Variants in A2ML1 observed in about 807,000 individuals in gnomAD.
A2ML1 encodes the protein alpha-2-macroglobulin-like protein 1.
In A2ML1, 161 loss-of-function variants were observed where a neutral mutation model predicts 181.9. The ratio of observed to expected loss-of-function variants is 0.89; its 90% confidence interval spans 0.78 to 1.01. A2ML1 has a LOEUF of 1.01. Ranked by LOEUF, A2ML1 falls within the 50% of genes least tolerant of loss-of-function variation. The pLI is 0.00. For synonymous variants in A2ML1, 663 were observed against 666.8 expected (o/e 0.99, Z 0.09); for missense variants, 1,670 against 1,768.1 (o/e 0.94, Z 1.00).
intron 18 of A2ML1, 48 bp from the exon 19 acceptor site, chr12:8,851,736 C>A: frequency 1.3e-6 from 2 of 1,581,630 alleles, no homozygotes; most frequent in Non-Finnish European, 1.7e-6. Flanking sequence ...AAATGTTCTC[C>A]TTGCCCCACG....
intron 4 of A2ML1, 80 bp from the exon 5 acceptor site, chr12:8,834,582 T>C: frequency 6.5e-7 from 1 of 1,532,514 alleles, no homozygotes; most frequent in Non-Finnish European, 9.0e-7. Context: ...AAGAATTCTT[T>C]GTGAACTTTT....
Position 8,847,715 on chromosome 12 carries a change from T to C in A2ML1, c.1833+17T>C. 1 of 1,603,422 alleles carries C rather than the reference T, an allele frequency of 6.2e-7. No individual in the cohort carries two copies. Among genetic ancestry groups the C allele is most frequent in the Non-Finnish European group, 8.5e-7 (1 of 1,176,380 alleles). ...AACCGCTCTGTGAGTAACTGTCTGC[T>C]GACAGAGTGGGAGGAGGGAGTTGAT... On this transcript the variant is annotated intron_variant, in intron 15 of 35. Coordinates refer to ENST00000299698, the MANE Select transcript of A2ML1 (RefSeq NM_144670.6).
At chr12:8,831,629 CAG>C (rs1473671034) in intron 4 of A2ML1, among the ~76,000 whole-genome samples, 3 of 152,130 alleles carry the variant, frequency 2.0e-5, no homozygotes, top group Non-Finnish European at 4.4e-5. Context: ...TTTATCGAGA[CAG>C]GGGAATTGCA....
rs1389459708 is a variant in A2ML1 at position 8,848,930 on chromosome 12, C to T, written c.2028+16C>T. 9 of 1,601,598 alleles carry T rather than the reference C, an allele frequency of 5.6e-6. No homozygotes were observed. The highest frequency in any genetic ancestry group is 6.8e-6 in the Non-Finnish European group (8 of 1,174,912). On this transcript the variant is annotated intron_variant, in intron 16 of 35. Coordinates refer to ENST00000299698, the MANE Select transcript of A2ML1 (RefSeq NM_144670.6). ...CTTTTTCCGGGTAGGTCTTCTTACC[C>T]ATTTTGTTCTTATGGGAAAGATGGT...
At chr12:8,848,944 G>A (rs764663785) in intron 16 of A2ML1, 30 bp downstream of exon 16, 2 of 1,590,048 alleles carry the variant, frequency 1.3e-6, no homozygotes, top group Non-Finnish European at 1.7e-6. Context: ...TTGTTCTTAT[G>A]GGAAAGATGG....
intron 4 of A2ML1, chr12:8,830,682 C>T (rs771835631): frequency 1.3e-5 from 2 of 152,320 alleles, no homozygotes; most frequent in South Asian, 4.1e-4. Context: ...CCCCTGCTTT[C>T]TTCCTCTTCC....
At chr12:8,822,773 C>A in intron 1 of A2ML1, 60 bp downstream of exon 1, 1 of 1,520,906 alleles carries the variant, frequency 6.6e-7, no homozygotes, top group Non-Finnish European at 9.1e-7. Flanking sequence ...CTAACTTTCT[C>A]AAACATTTAT....
Position 8,848,785 on chromosome 12 carries a change from T to G in A2ML1, c.1899T>G (p.Cys633Trp). 6.2e-7 allele frequency: 1 copy of G among 1,614,098 alleles called. No homozygotes were observed. The highest frequency in any genetic ancestry group is 8.5e-7 in the Non-Finnish European group (1 of 1,180,010). The change falls in exon 16 of 36, where the codon TGT (cysteine) becomes TGG (tryptophan). Residue 633 changes from cysteine to tryptophan, a missense_variant. Physicochemically the swap from Cys to Trp is radical, Grantham distance 215. Coordinates refer to ENST00000299698, the MANE Select transcript of A2ML1 (RefSeq NM_144670.6). ...YPYQVAEYDQ[C>W]PVSGPWDFPQ... ...ATCAAGTGGCTGAGTATGATCAGTG[T>G]CCAGTGTCTGGCCCATGGGACTTTC...
At chr12:8,856,638 G>A (rs11047622) in intron 23 of A2ML1, among the ~76,000 whole-genome samples, 1,621 of 152,218 alleles carry the variant, frequency 0.011, 28 homozygotes, top group African/African-American at 0.037. Context: ...GATCCTAAGT[G>A]TTATAAGTTT....
intron 32 of A2ML1, 79 bp downstream of exon 32, chr12:8,868,706 C>T: frequency 1.7e-6 from 2 of 1,158,462 alleles, no homozygotes; most frequent in Non-Finnish European, 2.5e-6. Flanking sequence ...GTAAAATGGG[C>T]ATCATGGCGT....
Position 8,829,797 on chromosome 12 carries a change from G to C in A2ML1, c.462+18G>C, listed in dbSNP as rs114265494. On this transcript the variant is annotated intron_variant, in intron 4 of 35. Coordinates refer to ENST00000299698, the MANE Select transcript of A2ML1 (RefSeq NM_144670.6). ...ATGACAAGGTGAGTTGGGAGGAGGAGAAGGAGTGGCGCAGGGAGAACAGGG... is the reference window on the plus strand; with the variant it reads ...ATGACAAGGTGAGTTGGGAGGAGGACAAGGAGTGGCGCAGGGAGAACAGGG... 6.2e-7 allele frequency: 1 copy of C among 1,613,922 alleles called. No homozygotes were observed. The highest frequency in any genetic ancestry group is 1.1e-5 in the South Asian group (1 of 91,050).
Position 8,835,517 on chromosome 12 carries a change from G to C in A2ML1, c.494G>C (p.Ser165Thr). 6.2e-7 allele frequency: 1 copy of C among 1,614,090 alleles called. No homozygotes were observed. Among genetic ancestry groups the C allele is most frequent in the Non-Finnish European group, 8.5e-7 (1 of 1,179,996 alleles). Residue 165 changes from serine to threonine, a missense_variant, in exon 6 of 36, where the codon AGC becomes ACC. By Grantham distance (58) the Ser-to-Thr change is moderately conservative. Coordinates refer to ENST00000299698, the MANE Select transcript of A2ML1 (RefSeq NM_144670.6). ...YSMVELQDPN[S>T]NRIAQWLEVV... ...TTCTCTATTGGACAGGATCCAAATAGCAACAGGATTGCACAGTGGCTGGAA... is the reference window on the plus strand; with the variant it reads ...TTCTCTATTGGACAGGATCCAAATACCAACAGGATTGCACAGTGGCTGGAA...
chr12:8,835,438 AC>A (rs1486895719), intron 5 of A2ML1, 68 bp from the exon 6 acceptor site: 2 of 1,592,194 alleles, frequency 1.3e-6, no homozygotes, highest in Non-Finnish European at 1.7e-6. Context: ...TTGCTTCTTT[AC>A]CTGCTTTTTG....
intron 26 of A2ML1, among the ~76,000 whole-genome samples, chr12:8,859,605 C>T (rs994906842): frequency 6.6e-6 from 1 of 152,034 alleles, no homozygotes; most frequent in African/African-American, 2.4e-5. Flanking sequence ...AAGAGTCTTA[C>T]TCTGTTGTAC....
At chr12:8,847,496 C>T in intron 14 of A2ML1, 53 bp from the exon 15 acceptor site, 1 of 1,535,694 alleles carries the variant, frequency 6.5e-7, no homozygotes, top group Non-Finnish European at 8.7e-7. Flanking sequence ...TATGTTGTTT[C>T]CCTTCCTTTC....
chr12:8,867,943 G>C lies in A2ML1; in HGVS notation c.3819G>C (p.Gln1273His), dbSNP rs201147872. 1.0e-4 allele frequency: 165 copies of C among 1,614,100 alleles called. No individual in the cohort carries two copies. Among genetic ancestry groups the C allele is most frequent in the Non-Finnish European group, 1.1e-4 (133 of 1,180,054 alleles). The change falls in exon 30 of 36, where the codon CAG becomes CAC. Residue 1273 changes from glutamine (Q) to histidine (H), a missense_variant. Transcript: ENST00000299698. ...NLVVKSTENF[Q>H]RTFNIQSVNR... ...TTGTAAAATCCACTGAGAATTTCCA[G>C]CGCACATTCAACATACAGTCAGTTA...
rs1476910 is a variant in A2ML1, at chr12:8,868,316, A to G, written c.4020A>G (p.Gln1340=). Residue 1340 remains glutamine (Q), a synonymous_variant, in exon 31 of 36, where the codon CAA becomes CAG. Coordinates refer to ENST00000299698, the MANE Select transcript of A2ML1 (RefSeq NM_144670.6). ...AAATAGGAAAAGCTAGATGTGAGCA[A>G]CCGACTTCACCTCGATCCTTGACTC... is the stretch of plus-strand genomic sequence containing the variant. The part of the protein sequence containing the change: ...SVEIGKARCE[Q]PTSPRSLTLT... The G allele has an allele frequency of 0.76, 1,228,622 of 1,613,086 alleles. 471,413 individuals are homozygous for G. Among genetic ancestry groups the G allele is most frequent in the Middle Eastern group, 0.83 (5,047 of 6,062 alleles).
chr12:8,866,231 G>C (rs1487495297), intron 29 of A2ML1, among the ~76,000 whole-genome samples: 8 of 135,226 alleles, frequency 5.9e-5, no homozygotes, highest in African/African-American at 2.2e-4. Context: ...CGTGAACCCA[G>C]GAGGCAGAGC....
chr12:8,885,176 CTCTT>C (rs1944910050), intron 7 of A2ML1, among the ~76,000 whole-genome samples: 2 of 152,202 alleles, frequency 1.3e-5, no homozygotes, highest in South Asian at 4.1e-4. Flanking sequence ...TGCCTTCTCA[CTCTT>C]TCAATAATGT....
Sources: gnomAD v4.1 joint callset for allele counts (sites outside exome capture counted in the v4.1 genomes callset) on GRCh38, gnomAD v4.1.1 for gene constraint, MANE v1.5 for transcripts, NCBI Gene and HGNC (gene_info 2026-07-23, HGNC 2026-07-21) for gene names.